The following PODXL2 variants were observed in gnomAD, a reference collection of about 807,000 sequenced individuals.
The protein encoded by PODXL2 is podocalyxin like 2, also known as podocalyxin-like protein 2.
A neutral mutation model predicts 53.4 loss-of-function variants in PODXL2; 17 were observed. The ratio of observed to expected loss-of-function variants is 0.32; its 90% confidence interval spans 0.22 to 0.48. PODXL2 has a LOEUF of 0.48. PODXL2 is among the 20% of genes least tolerant of loss of function. The probability of loss-of-function intolerance (pLI) is 0.99; values close to 1 mark genes in which losing one functional copy is unlikely to be tolerated. For synonymous variants in PODXL2, 311 were observed against 306.7 expected (o/e 1.01, Z -0.15); for missense variants, 673 against 760.0 (o/e 0.89, Z 1.35).
chr3:127,656,747 A>AG (rs1448991333), intron 2 of PODXL2, among the ~76,000 whole-genome samples: 1 of 140,376 alleles, frequency 7.1e-6, no homozygotes, highest in East Asian at 2.0e-4. Context: ...AAAAAAAAAA[A>AG]AAAAAAAAAA....
At chr3:127,649,007 G>T (rs905962407) in intron 2 of PODXL2, among the ~76,000 whole-genome samples, 5 of 152,016 alleles carry the variant, frequency 3.3e-5, no homozygotes, top group Non-Finnish European at 7.4e-5. Context: ...GGCCAGGCTG[G>T]TCTTGAACTC....
chr3:127,664,843 C>T (rs558334739), intron 4 of PODXL2, among the ~76,000 whole-genome samples: 6 of 152,200 alleles, frequency 3.9e-5, no homozygotes, highest in Admixed American at 2.0e-4. Context: ...TGATGTTGAG[C>T]ATTAGTCATT....
chr3:127,632,664 G>C (rs760839864), intron 1 of PODXL2, among the ~76,000 whole-genome samples: 1 of 152,204 alleles, frequency 6.6e-6, no homozygotes, highest in African/African-American at 2.4e-5. Flanking sequence ...CAGCCCTGGG[G>C]ATACTGCTTT....
chr3:127,669,105 A>G (rs751167103), intron 5 of PODXL2, 36 bp from the exon 6 acceptor site: 8 of 1,502,422 alleles, frequency 5.3e-6, no homozygotes, highest in South Asian at 3.5e-5. Flanking sequence ...CACCTCAGCC[A>G]TGGTCACACT....
At chr3:127,662,122 G>T (rs927586619) in intron 3 of PODXL2, 115 bp from the exon 4 acceptor site, 2 of 781,118 alleles carry the variant, frequency 2.6e-6, no homozygotes, top group Non-Finnish European at 4.4e-6. Flanking sequence ...GCTGTAATAC[G>T]CCTCCACTGG....
At chr3:127,642,262 C>A (rs543898509) in intron 2 of PODXL2, among the ~76,000 whole-genome samples, 2 of 147,980 alleles carry the variant, frequency 1.4e-5, no homozygotes, top group Admixed American at 1.3e-4. Flanking sequence ...TGCACTCCAG[C>A]CTGGGGGACA....
intron 2 of PODXL2, among the ~76,000 whole-genome samples, chr3:127,648,787 CTTTTTTTTTT>C (rs988325770): frequency 1.0e-5 from 1 of 97,854 alleles, no homozygotes; most frequent in African/African-American, 4.0e-5. Context: ...TTTTGTATTT[CTTTTTTTTTT>C]TTTTTTTTTT....
rs147390068 is a variant in PODXL2 at position 127,639,410 on chromosome 3, C to T, written c.236C>T (p.Ser79Leu). Residue 79 changes from serine to leucine, a missense_variant, in exon 2 of 8, where the codon TCA becomes TTA. By Grantham distance (145) the Ser-to-Leu change is moderately radical. Transcript: ENST00000342480. Reference sequence around the variant, plus strand: ...GGAGCTGGGCTGGGAGCCCCTGGCTCAGGCTTCCCCAGCGAAGAGAATGAA... The same window carrying T: ...GGAGCTGGGCTGGGAGCCCCTGGCTTAGGCTTCCCCAGCGAAGAGAATGAA... ...GLGAGLGAPG[S>L]GFPSEENEES... 4 of 1,614,156 alleles carry T rather than the reference C, an allele frequency of 2.5e-6. No homozygotes were observed. In the African/African-American group the frequency reaches 4.0e-5, roughly 16 times the overall value.
chr3:127,651,433 T>C (rs1396757349), intron 2 of PODXL2, among the ~76,000 whole-genome samples: 1 of 152,234 alleles, frequency 6.6e-6, no homozygotes, highest in Non-Finnish European at 1.5e-5. Context: ...AAGGCGGTGC[T>C]AGCAGGTGCT....
intron 2 of PODXL2, among the ~76,000 whole-genome samples, chr3:127,645,310 C>T (rs187072163): frequency 1.3e-5 from 2 of 152,336 alleles, no homozygotes; most frequent in African/African-American, 4.8e-5. Context: ...TCACTGACAA[C>T]AGCCTGGCCT....
At chr3:127,654,340 C>T (rs571865740) in intron 2 of PODXL2, among the ~76,000 whole-genome samples, 8 of 152,264 alleles carry the variant, frequency 5.3e-5, no homozygotes, top group Admixed American at 3.9e-4. Flanking sequence ...CTTAGTGAAT[C>T]GTACCGTGGT....
At chr3:127,648,521 A>T (rs1361789797) in intron 2 of PODXL2, among the ~76,000 whole-genome samples, 1 of 152,350 alleles carries the variant, frequency 6.6e-6, no homozygotes, top group South Asian at 2.1e-4. Flanking sequence ...ATATCAACAT[A>T]TAAAAATTTA....
At chr3:127,659,782 ACT>A (rs1408868639) in intron 2 of PODXL2, among the ~76,000 whole-genome samples, 1 of 152,072 alleles carries the variant, frequency 6.6e-6, no homozygotes, top group Non-Finnish European at 1.5e-5. Context: ...GCCCTGGAAA[ACT>A]CTGGGCTCAG....
At chr3:127,630,018 G>T (rs1170188815) in intron 1 of PODXL2, among the ~76,000 whole-genome samples, 1 of 152,182 alleles carries the variant, frequency 6.6e-6, no homozygotes, top group Non-Finnish European at 1.5e-5. Flanking sequence ...TGCGTGGCGG[G>T]CTGGGGGTGT....
At chr3:127,639,028 C>T (rs2074596600) in intron 1 of PODXL2, among the ~76,000 whole-genome samples, 1 of 152,236 alleles carries the variant, frequency 6.6e-6, no homozygotes, top group South Asian at 2.1e-4. Flanking sequence ...CTCCATCTGT[C>T]TCCCCTTGCC....
chr3:127,629,549 C>T lies in PODXL2; in HGVS notation c.70+260C>T, dbSNP rs1229394054. Reference sequence around the variant, plus strand: ...GGGACACAGCACCGTGGCCCCCACGCCGCGGCTCTCAGGGGCAGGTGCGCA... The same window carrying T: ...GGGACACAGCACCGTGGCCCCCACGTCGCGGCTCTCAGGGGCAGGTGCGCA... On this transcript the variant is annotated intron_variant, in intron 1 of 7. Coordinates refer to ENST00000342480, the MANE Select transcript of PODXL2 (RefSeq NM_015720.4). The surrounding 1 kb of genome is among the most constrained non-coding windows in gnomAD (Gnocchi z 6.4). Among the ~76,000 whole-genome samples, 3 of 151,646 alleles carry T rather than the reference C, an allele frequency of 2.0e-5. No homozygotes were observed. Among genetic ancestry groups the T allele is most frequent in the African/African-American group, 7.3e-5 (3 of 41,328 alleles).
intron 2 of PODXL2, among the ~76,000 whole-genome samples, chr3:127,657,488 G>A (rs2074732607): frequency 6.6e-6 from 1 of 152,106 alleles, no homozygotes; most frequent in Admixed American, 6.5e-5. Flanking sequence ...TCTAGCTCAC[G>A]CATCTGATTA....
At chr3:127,664,023 T>C (rs2074782082) in intron 4 of PODXL2, among the ~76,000 whole-genome samples, 1 of 152,234 alleles carries the variant, frequency 6.6e-6, no homozygotes, top group African/African-American at 2.4e-5. Flanking sequence ...AAATTTTCCA[T>C]TTCACCCTTT....
intron 2 of PODXL2, among the ~76,000 whole-genome samples, chr3:127,649,708 G>A (rs995825622): frequency 2.0e-5 from 3 of 152,202 alleles, no homozygotes; most frequent in Non-Finnish European, 2.9e-5. Context: ...AAGCCGAGGC[G>A]GGTGGATCAC....
Sources: gnomAD v4.1 joint callset for allele counts (sites outside exome capture counted in the v4.1 genomes callset) on GRCh38, gnomAD v4.1.1 for gene constraint, Gnocchi (gnomAD v3.1) non-coding constraint, MANE v1.5 for transcripts, NCBI Gene and HGNC (gene_info 2026-07-23, HGNC 2026-07-21) for gene names.